ARSF: variants seen among roughly 807,000 people sequenced by gnomAD.
The protein encoded by ARSF is arylsulfatase F.
Under a neutral mutation model 35.4 loss-of-function variants are expected in ARSF, and 33 were observed. That is an observed-to-expected ratio of 0.93 (90% CI 0.71 to 1.25). The LOEUF (loss-of-function observed/expected upper bound fraction) is 1.25, where lower values mean the gene tolerates loss of function less well. Among genes scored for constraint, ARSF ranks in the 50% most tolerant of loss-of-function variants. The pLI is 0.00. For synonymous variants in ARSF, 222 were observed against 193.1 expected, an observed-to-expected ratio of 1.15 and a Z score of -1.24; for missense variants, 501 against 480.2, an observed-to-expected ratio of 1.04 and a Z score of -0.40.
At chrX:3,041,915 T>C (rs759345674) in intron 1 of ARSF, among the ~76,000 whole-genome samples, 1 of 112,479 alleles carries the variant, frequency 8.9e-6, no homozygotes, top group South Asian at 3.6e-4. Context: ...AAGCTGGCTT[T>C]AAAATTATTG....
In ARSF at chrX:3,095,831, T is replaced by C. The variant is rs184607641; in HGVS notation, c.968-5256T>C. Among the ~76,000 whole-genome samples the C allele has an allele frequency of 3.4e-3, 376 of 110,053 alleles. 4 individuals carry two copies. Among genetic ancestry groups the C allele is most frequent in the African/African-American group, 0.012 (357 of 30,607 alleles). On this transcript the variant is annotated intron_variant, in intron 7 of 10. Coordinates refer to ENST00000381127, the MANE Select transcript of ARSF (RefSeq NM_001201539.2). ...ACTTATAAGATGTGCATTAATTAGATAGTAGCCAGGAAAATTCTTGCATGC... is the reference window on the plus strand; with the variant it reads ...ACTTATAAGATGTGCATTAATTAGACAGTAGCCAGGAAAATTCTTGCATGC...
In ARSF at chrX:3,103,776, G is replaced by C; in HGVS notation, c.1117G>C (p.Gly373Arg). The change falls in exon 9 of 11, where the codon GGG (glycine) becomes CGG (arginine). Residue 373 changes from glycine (G) to arginine (R), a missense_variant. Physicochemically the swap from Gly to Arg is moderately radical, Grantham distance 125. Transcript: ENST00000381127. ...TTGTCTTATAGGTGGAAAAGGCATG[G>C]GGGGCTGGGAAGGTGGAATCCGCGT... ...NGIYKGGKGM[G>R]GWEGGIRVPG... 8.3e-7 allele frequency: 1 copy of C among 1,211,343 alleles called. No individual in the cohort carries two copies. Among genetic ancestry groups the C allele is most frequent in the East Asian group, 3.0e-5 (1 of 33,816 alleles).
chrX:3,097,946 A>C (rs1439232534), intron 7 of ARSF, among the ~76,000 whole-genome samples: 4 of 109,305 alleles, frequency 3.7e-5, no homozygotes, highest in African/African-American at 1.3e-4. Flanking sequence ...TGCGAAGCGG[A>C]GGTTGCAGTG....
At chrX:3,106,211 G>A (rs2090410256) in intron 9 of ARSF, among the ~76,000 whole-genome samples, 1 of 112,095 alleles carries the variant, frequency 8.9e-6, no homozygotes, top group Non-Finnish European at 1.9e-5. Context: ...TAGTTCAACG[G>A]GAAGTGGAAG....
chrX:3,042,493 T>C (rs948460345), intron 1 of ARSF, among the ~76,000 whole-genome samples: 1 of 111,391 alleles, frequency 9.0e-6, no homozygotes, highest in African/African-American at 3.3e-5. Context: ...TCTAATTCCA[T>C]GTTTATTTAT....
chrX:3,085,340 TTC>T lies in ARSF; in HGVS notation c.830+675_830+676del, dbSNP rs890086833. 5.4e-4 allele frequency among the ~76,000 whole-genome samples: 58 copies of T among 106,604 alleles called. 1 individual carries two copies. Among genetic ancestry groups the T allele is most frequent in the African/African-American group, 2.0e-3 (58 of 29,706 alleles). 92.6% of individuals were successfully genotyped at this position (106,604 alleles called of 115,157 possible). ...ATATTTTATAATATTTTTTGTCTGG[TTC>T]CCTGATACATATAGATAAATATATA... On this transcript the variant is annotated intron_variant, in intron 6 of 10. Coordinates refer to ENST00000381127, the MANE Select transcript of ARSF (RefSeq NM_001201539.2).
At chrX:3,040,874 T>A (rs911935492), upstream of ARSF, among the ~76,000 whole-genome samples, 3 of 111,336 alleles carry the variant, frequency 2.7e-5, no homozygotes, top group African/African-American at 9.8e-5. Context: ...GACTCAGTGG[T>A]GACACACAGT....
At chrX:3,053,215 A>T (rs1354106199) in intron 1 of ARSF, among the ~76,000 whole-genome samples, 1 of 111,348 alleles carries the variant, frequency 9.0e-6, no homozygotes, top group Admixed American at 9.6e-5. Flanking sequence ...ATTTAGGGAG[A>T]ATTTCTGACA....
intron 1 of ARSF, among the ~76,000 whole-genome samples, chrX:3,043,843 G>A (rs1313730865): frequency 2.7e-5 from 3 of 111,407 alleles, no homozygotes; most frequent in East Asian, 5.7e-4. Flanking sequence ...GCGCAGTGGT[G>A]TGATCTTGGT....
At chrX:3,080,302 C>T (rs1329010639) in intron 4 of ARSF, among the ~76,000 whole-genome samples, 7 of 106,306 alleles carry the variant, frequency 6.6e-5, no homozygotes, top group South Asian at 8.8e-4. Context: ...GATGAAACTC[C>T]GTCTGTACTA....
intron 1 of ARSF, among the ~76,000 whole-genome samples, chrX:3,059,291 C>T (rs978232838): frequency 4.5e-5 from 5 of 111,274 alleles, no homozygotes; most frequent in Non-Finnish European, 9.4e-5. Flanking sequence ...GGTGAAACCC[C>T]GTCTCTACTA....
intron 4 of ARSF, among the ~76,000 whole-genome samples, chrX:3,079,970 C>CAAAAAAAAAAAAA (rs1224175073): frequency 9.5e-4 from 27 of 28,317 alleles, no homozygotes; most frequent in East Asian, 1.3e-3. Context: ...ACAACAACAA[C>CAAAAAAAAAAAAA]AAAAAAAAAA....
chrX:3,048,801 C>A (rs2089985384), intron 1 of ARSF, among the ~76,000 whole-genome samples: 1 of 112,196 alleles, frequency 8.9e-6, no homozygotes, highest in South Asian at 3.7e-4. Flanking sequence ...AATAGATTCT[C>A]AGTGTATTAA....
chrX:3,068,129 C>T lies in ARSF; in HGVS notation c.11+18C>T, dbSNP rs773331847. On this transcript the variant is annotated intron_variant, in intron 2 of 10. Transcript: ENST00000381127. ...AGGCCCAGGTAGGTAAAGCCATATACTGCATTGTGAGCACATTGAATCTAA... is the reference window on the plus strand; with the variant it reads ...AGGCCCAGGTAGGTAAAGCCATATATTGCATTGTGAGCACATTGAATCTAA... 8.4e-7 allele frequency: 1 copy of T among 1,190,244 alleles called. No individual in the cohort carries two copies. Among genetic ancestry groups the T allele is most frequent in the African/African-American group, 1.8e-5 (1 of 56,623 alleles).
intron 3 of ARSF, among the ~76,000 whole-genome samples, chrX:3,074,997 C>A (rs925700902): frequency 8.9e-6 from 1 of 111,766 alleles, no homozygotes; most frequent in Non-Finnish European, 1.9e-5. Context: ...CCTTCCAGTT[C>A]ATCTGTGTTG....
chrX:3,076,464 T>G (rs999101202), intron 3 of ARSF, 84 bp from the exon 4 acceptor site: 8 of 1,050,517 alleles, frequency 7.6e-6, no homozygotes, highest in Middle Eastern at 3.5e-4. Context: ...TGTCCTTCTC[T>G]GTCTTCCTCT....
chrX:3,050,361 T>C (rs1400707464), intron 1 of ARSF, among the ~76,000 whole-genome samples: 3 of 108,936 alleles, frequency 2.8e-5, no homozygotes, highest in Non-Finnish European at 5.7e-5. Context: ...CTGGCCAACA[T>C]GGTGAAACCC....
chrX:3,042,686 A>AG (rs1272834808), intron 1 of ARSF, among the ~76,000 whole-genome samples: 1 of 109,489 alleles, frequency 9.1e-6, no homozygotes, highest in Non-Finnish European at 1.9e-5. Context: ...TAGTAGAGAT[A>AG]GGGGTCTTGC....
chrX:3,068,235 T>C, intron 2 of ARSF, 124 bp downstream of exon 2: 1 of 644,105 alleles, frequency 1.6e-6, no homozygotes, highest in South Asian at 4.2e-5. Flanking sequence ...TTTTTTCTTT[T>C]TCTTTTCTTG....
Sources: allele counts gnomAD v4.1 joint callset (sites outside exome capture counted in the v4.1 genomes callset), GRCh38; gene constraint gnomAD v4.1.1; transcripts MANE v1.5; gene names NCBI Gene and HGNC (gene_info 2026-07-23, HGNC 2026-07-21).